TRPM3: variants seen among roughly 807,000 people sequenced by gnomAD.
The protein encoded by TRPM3 is transient receptor potential cation channel subfamily M member 3.
A neutral mutation model predicts 181.2 loss-of-function variants in TRPM3; 77 were observed. The ratio of observed to expected loss-of-function variants is 0.42; its 90% confidence interval spans 0.35 to 0.51. TRPM3 has a LOEUF of 0.51. TRPM3 is among the 20% of genes least tolerant of loss of function. TRPM3 has a pLI of 0.01. For synonymous variants in TRPM3, 745 were observed against 796.4 expected, an observed-to-expected ratio of 0.94 and a Z score of 1.09; for missense variants, 1,759 against 2,196.7, an observed-to-expected ratio of 0.80 and a Z score of 3.98.
In TRPM3 at chr9:70,532,747, T is replaced by C. The variant is rs909706306; in HGVS notation, c.*3206A>G. On this transcript the variant is annotated 3_prime_UTR_variant, in exon 26 of 26. Transcript: ENST00000677713. ...TGATTAAACCGAAGCTATTACTTCC[T>C]TGAGCTCTCTATGACTTTATTTACG... 3.3e-5 allele frequency: 5 copies of C among 152,224 alleles called. No individual in the cohort carries two copies. Among genetic ancestry groups the C allele is most frequent in the African/African-American group, 1.2e-4 (5 of 41,454 alleles). 9.4% of individuals were successfully genotyped at this position (152,224 alleles called of 1,614,324 possible).
At chr9:70,693,234 C>A (rs1029185700) in intron 8 of TRPM3, among the ~76,000 whole-genome samples, 3 of 152,186 alleles carry the variant, frequency 2.0e-5, no homozygotes, top group African/African-American at 7.2e-5. Context: ...ATGTACCTCA[C>A]TAGAGGCTAA....
intron 1 of TRPM3, chr9:71,446,523 T>G: frequency 1.1e-6 from 1 of 942,266 alleles, no homozygotes; most frequent in East Asian, 2.8e-5. Context: ...CTCTATTTCA[T>G]TAGAAGCGGC....
At chr9:71,117,850 C>G (rs1238522969) in intron 1 of TRPM3, among the ~76,000 whole-genome samples, 1 of 152,138 alleles carries the variant, frequency 6.6e-6, no homozygotes, top group Non-Finnish European at 1.5e-5. Flanking sequence ...CCCCTTCTCC[C>G]AATGCAACCC....
At chr9:71,302,373 A>AT (rs2086861318) in intron 1 of TRPM3, among the ~76,000 whole-genome samples, 1 of 152,226 alleles carries the variant, frequency 6.6e-6, no homozygotes, top group African/African-American at 2.4e-5. Flanking sequence ...CCTAATTGAT[A>AT]TGAAAGTCTA....
At chr9:71,416,174 G>A (rs1010201698) in intron 1 of TRPM3, among the ~76,000 whole-genome samples, 3 of 151,748 alleles carry the variant, frequency 2.0e-5, no homozygotes, top group African/African-American at 4.8e-5. Flanking sequence ...GTTAAAAGTT[G>A]TAAATCAGTG....
At chr9:70,622,399 A>G (rs181152521) in intron 14 of TRPM3, among the ~76,000 whole-genome samples, 9 of 152,354 alleles carry the variant, frequency 5.9e-5, no homozygotes, top group Admixed American at 3.3e-4. Flanking sequence ...AGCCTCTATT[A>G]TCTGGAGACC....
At chr9:71,206,937 T>C (rs1314013883) in intron 1 of TRPM3, among the ~76,000 whole-genome samples, 8 of 152,110 alleles carry the variant, frequency 5.3e-5, no homozygotes, top group African/African-American at 1.9e-4. Context: ...CATCAAGGAC[T>C]AACTCATGAA....
chr9:71,197,117 G>C (rs532911093), intron 1 of TRPM3, among the ~76,000 whole-genome samples: 190 of 152,164 alleles, frequency 1.2e-3, no homozygotes, highest in Non-Finnish European at 2.1e-3. Context: ...GAGAACATGC[G>C]ATGTTTGGTT....
At chr9:71,242,298 G>C (rs1197770406) in intron 1 of TRPM3, among the ~76,000 whole-genome samples, 7 of 152,150 alleles carry the variant, frequency 4.6e-5, no homozygotes, top group Non-Finnish European at 2.9e-5. Context: ...TGATCTACAG[G>C]GGGCAGAGTC....
At chr9:70,820,667 GA>G (rs1268656872) in intron 6 of TRPM3, among the ~76,000 whole-genome samples, 1 of 152,116 alleles carries the variant, frequency 6.6e-6, no homozygotes, top group Non-Finnish European at 1.5e-5. Context: ...GGCAGGAAAG[GA>G]ATCAATGTTT....
intron 1 of TRPM3, among the ~76,000 whole-genome samples, chr9:71,305,560 C>T (rs888414558): frequency 5.3e-5 from 8 of 152,218 alleles, no homozygotes; most frequent in African/African-American, 1.9e-4. Context: ...GATGGAGTTA[C>T]AAGTGGCTCA....
intron 8 of TRPM3, among the ~76,000 whole-genome samples, chr9:70,682,293 T>C (rs1436729787): frequency 6.6e-6 from 1 of 152,146 alleles, no homozygotes; most frequent in Non-Finnish European, 1.5e-5. Context: ...ATGTATTACA[T>C]GAGGAAAGAT....
rs570418707 is a variant in TRPM3 at position 71,351,560 on chromosome 9, T to C, written c.183+95093A>G. On this transcript the variant is annotated intron_variant, in intron 1 of 24. Coordinates refer to the TRPM3 transcript ENST00000357533. The stretch of plus-strand genomic sequence containing the variant: ...AGGAGAATGAATAAATAAATCATTG[T>C]CTTTTTAAACAGTCAAATACTACAA... Among the ~76,000 whole-genome samples, 4 of 152,338 alleles carry C rather than the reference T, an allele frequency of 2.6e-5. No homozygotes were observed. In the South Asian group the frequency reaches 8.3e-4, roughly 32 times the overall value.
At chr9:70,814,421 G>T (rs749569282) in intron 6 of TRPM3, among the ~76,000 whole-genome samples, 8 of 152,156 alleles carry the variant, frequency 5.3e-5, no homozygotes, top group Non-Finnish European at 1.2e-4. Flanking sequence ...GACATTTTCA[G>T]TATCTCCAAT....
At chr9:70,693,860 G>A (rs958772305) in intron 8 of TRPM3, among the ~76,000 whole-genome samples, 1 of 152,212 alleles carries the variant, frequency 6.6e-6, no homozygotes, top group African/African-American at 2.4e-5. Flanking sequence ...ACCTTTGAGG[G>A]TACAAAAAAT....
chr9:70,908,116 T>G (rs984109507), intron 1 of TRPM3, among the ~76,000 whole-genome samples: 3 of 152,126 alleles, frequency 2.0e-5, no homozygotes, highest in African/African-American at 7.2e-5. Context: ...CAATATATAT[T>G]AAATAAAGTG....
chr9:70,785,126 T>C (rs1280185233), intron 6 of TRPM3, among the ~76,000 whole-genome samples: 2 of 152,226 alleles, frequency 1.3e-5, no homozygotes, highest in Non-Finnish European at 2.9e-5. Context: ...CTGCCACTAC[T>C]GAGCAAGGAG....
intron 1 of TRPM3, chr9:70,917,335 A>T (rs1348107306): frequency 8.5e-6 from 10 of 1,178,310 alleles, no homozygotes; most frequent in Non-Finnish European, 1.3e-5. Context: ...TTGCTCCAGA[A>T]TATGGAGATA....
intron 1 of TRPM3, among the ~76,000 whole-genome samples, chr9:71,177,965 C>T (rs984954364): frequency 2.7e-5 from 4 of 148,756 alleles, no homozygotes; most frequent in Non-Finnish European, 4.5e-5. Flanking sequence ...AACAAAACTT[C>T]CTTTGCTAGC....
Sources: allele counts gnomAD v4.1 joint callset (sites outside exome capture counted in the v4.1 genomes callset), GRCh38; gene constraint gnomAD v4.1.1; transcripts MANE v1.5; gene names NCBI Gene and HGNC (gene_info 2026-07-23, HGNC 2026-07-21).